LINC01488: variants seen among roughly 807,000 people sequenced by gnomAD.
LINC01488 encodes the protein long independently transcribed non-coding RNA 1488.
rs555555912 is a variant in LINC01488 at position 69,484,771 on chromosome 11, T to C, written n.122+2988T>C. ...GCAGGTTCCCTGCACTCCTGGGGCC[T>C]CGTCTTCAGTCTGTGCTTTGCATTG... is the stretch of plus-strand genomic sequence containing the variant. On this transcript the variant is annotated intron_variant and non_coding_transcript_variant, in intron 1 of 3. Transcript: ENST00000644563. Among the ~76,000 whole-genome samples the C allele has an allele frequency of 1.2e-4, 19 of 152,348 alleles. 1 individual carries two copies. In the East Asian group the frequency reaches 3.7e-3, roughly 29 times the overall value.
intron 1 of LINC01488, among the ~76,000 whole-genome samples, chr11:69,488,886 C>T (rs1378293971): frequency 6.6e-6 from 1 of 152,190 alleles, no homozygotes; most frequent in Admixed American, 6.5e-5. Context: ...CCTGCACAGC[C>T]GTAGCCTTGA....
rs78264987 is a variant in LINC01488, at chr11:69,484,320, G to A, written n.122+2537G>A. 0.023 allele frequency among the ~76,000 whole-genome samples: 3,507 copies of A among 152,234 alleles called. 245 individuals carry two copies. In the East Asian group the frequency reaches 0.26, roughly 11 times the overall value. On this transcript the variant is annotated intron_variant and non_coding_transcript_variant, in intron 1 of 3. Transcript: ENST00000644563. The stretch of plus-strand genomic sequence containing the variant: ...TGTGGGAGAAGGGAGGGACAGTCCC[G>A]GCATGAGTACACACAGAACCTGGCA...
chr11:69,493,083 A>C (rs1262267746), exon 4 of LINC01488: 1 of 152,252 alleles, frequency 6.6e-6, no homozygotes, highest in Non-Finnish European at 1.5e-5. Context: ...TTGCTTTTGC[A>C]GCTCTGTGTG....
exon 4 of LINC01488, chr11:69,492,339 C>T (rs1024213437): frequency 6.6e-6 from 1 of 152,238 alleles, no homozygotes; most frequent in Admixed American, 6.5e-5. Flanking sequence ...AACCCGTCAC[C>T]CTTGACAGTG....
intron 1 of LINC01488, among the ~76,000 whole-genome samples, chr11:69,489,285 C>T (rs1195524426): frequency 1.3e-5 from 2 of 152,116 alleles, no homozygotes; most frequent in African/African-American, 2.4e-5. Flanking sequence ...CTGGTTTCTC[C>T]GAAACTGAAA....
intron 1 of LINC01488, among the ~76,000 whole-genome samples, chr11:69,490,318 C>T (rs774160286): frequency 3.3e-5 from 5 of 152,326 alleles, no homozygotes; most frequent in Admixed American, 6.5e-5. Context: ...GGATCTGGGG[C>T]GTACACAGCC....
intron 1 of LINC01488, among the ~76,000 whole-genome samples, chr11:69,489,525 A>G (rs1384297548): frequency 6.6e-6 from 1 of 152,188 alleles, no homozygotes; most frequent in South Asian, 2.1e-4. Context: ...CAGGCCTCCC[A>G]TGTGGTATTT....
At chr11:69,489,134 G>C (rs184348852) in intron 1 of LINC01488, among the ~76,000 whole-genome samples, 3 of 152,120 alleles carry the variant, frequency 2.0e-5, no homozygotes, top group East Asian at 1.9e-4. Context: ...CCTCGGATTG[G>C]GGGGAGCTGG....
At chr11:69,481,745 C>T (rs1364012958) in exon 1 of LINC01488, 2 of 152,298 alleles carry the variant, frequency 1.3e-5, no homozygotes, top group Non-Finnish European at 2.9e-5. Context: ...TGCAGGAGAT[C>T]CCTACAGAGG....
intron 1 of LINC01488, among the ~76,000 whole-genome samples, chr11:69,488,866 C>G (rs1333029945): frequency 2.0e-5 from 3 of 152,224 alleles, no homozygotes; most frequent in Non-Finnish European, 4.4e-5. Context: ...TGAGGCCAGC[C>G]TGGCCCAGCC....
At chr11:69,483,807 A>G (rs1857071453) in intron 1 of LINC01488, among the ~76,000 whole-genome samples, 2 of 151,682 alleles carry the variant, frequency 1.3e-5, no homozygotes, top group South Asian at 4.1e-4. Context: ...GCTGACAATA[A>G]ACCAAGGCCC....
At chr11:69,487,113 G>A (rs1030035950) in intron 1 of LINC01488, among the ~76,000 whole-genome samples, 13 of 152,374 alleles carry the variant, frequency 8.5e-5, no homozygotes, top group Middle Eastern at 3.4e-3. Context: ...CCCGCAGGCG[G>A]AGTATTTTGG....
At chr11:69,485,671 C>G (rs986380017) in intron 1 of LINC01488, 9 of 152,468 alleles carry the variant, frequency 5.9e-5, no homozygotes, top group African/African-American at 1.7e-4. Context: ...CGCCTGCTGC[C>G]TGGCCAGCAA....
intron 1 of LINC01488, chr11:69,490,357 C>G (rs935905314): frequency 6.6e-6 from 1 of 152,314 alleles, no homozygotes; most frequent in East Asian, 1.9e-4. Context: ...GACAAAGAAC[C>G]TGAAAAGTCA....
At chr11:69,489,630 G>C (rs1376709288) in intron 1 of LINC01488, among the ~76,000 whole-genome samples, 1 of 152,256 alleles carries the variant, frequency 6.6e-6, no homozygotes, top group Admixed American at 6.5e-5. Context: ...CCCATGCACC[G>C]GTAGCGGGTG....
chr11:69,487,143 A>G (rs773841517), intron 1 of LINC01488, among the ~76,000 whole-genome samples: 7 of 152,186 alleles, frequency 4.6e-5, no homozygotes, highest in Non-Finnish European at 1.0e-4. Flanking sequence ...CTAAATGAAA[A>G]CAGGGCAGGA....
intron 1 of LINC01488, among the ~76,000 whole-genome samples, chr11:69,486,472 T>G (rs868775505): frequency 7.2e-5 from 11 of 151,852 alleles, no homozygotes; most frequent in African/African-American, 2.4e-4. Flanking sequence ...CAAAACCAGG[T>G]GAAGGCGCAA....
chr11:69,493,208 C>G lies in LINC01488; in HGVS notation n.1684C>G, dbSNP rs375776037. The stretch of plus-strand genomic sequence containing the variant: ...GCACTGGAATAAAAGGCATTTTAAC[C>G]AACACCAGGAACCCACGGGAATCTT... On this transcript the variant is annotated non_coding_transcript_exon_variant, in exon 4 of 4. Transcript: ENST00000644563. 19 of 152,360 alleles carry G rather than the reference C, an allele frequency of 1.2e-4. No homozygotes were observed. The East Asian group carries it at 1.9e-3, about 15-fold the overall frequency. The allele number at this position is 152,360 out of a possible 1,614,324, so 9.4% of individuals were successfully genotyped here.
chr11:69,482,020 T>G (rs953450920), intron 1 of LINC01488, among the ~76,000 whole-genome samples: 1 of 151,932 alleles, frequency 6.6e-6, no homozygotes, highest in Non-Finnish European at 1.5e-5. Flanking sequence ...GATGGATGGA[T>G]GGATGGATGA....
Sources: allele counts gnomAD v4.1 joint callset (sites outside exome capture counted in the v4.1 genomes callset), GRCh38; gene constraint gnomAD v4.1.1; transcripts MANE v1.5; gene names NCBI Gene and HGNC (gene_info 2026-07-23, HGNC 2026-07-21).